The following LY6G5B variants were observed in gnomAD, a reference collection of about 807,000 sequenced individuals.
LY6G5B encodes the protein lymphocyte antigen 6 complex locus protein G5b.
A neutral mutation model predicts 6.7 loss-of-function variants in LY6G5B; 6 were observed. The ratio of observed to expected loss-of-function variants is 0.89; its 90% CI spans 0.49 to 1.76. The LOEUF (loss-of-function observed/expected upper bound fraction) is 1.76, where lower values mean the gene tolerates loss of function less well. Among genes scored for constraint, LY6G5B ranks in the 40% most tolerant of loss-of-function variants. The pLI is 0.01. For synonymous variants in LY6G5B, 98 were observed against 99.4 expected, an observed-to-expected ratio of 0.99 and a Z score of 0.09; for missense variants, 240 against 249.5, an observed-to-expected ratio of 0.96 and a Z score of 0.26.
At chr6:31,670,597 A>T in exon 1 of LY6G5B, 1 of 291,188 alleles carries the variant, frequency 3.4e-6, no homozygotes. Flanking sequence ...AGAGATAGAT[A>T]CTAACCCATG....
chr6:31,671,392 G>A, intron 2 of LY6G5B, 108 bp downstream of exon 2: 3 of 1,506,042 alleles, frequency 2.0e-6, no homozygotes, highest in Admixed American at 1.7e-5. Flanking sequence ...GAAGAGAGGA[G>A]GGGCTGAGTG....
Position 31,671,157 on chromosome 6 carries a change from TC to T in LY6G5B, c.62del (p.Pro21LeufsTer13). 6.2e-7 allele frequency: 1 copy of T among 1,614,048 alleles called. No homozygotes were observed. The highest frequency in any genetic ancestry group is 8.5e-7 in the Non-Finnish European group (1 of 1,179,986). Reference sequence around the variant, plus strand: ...CCATCCCTCCTTCTGCCTCCCCAGTTCCTGTTCCCGACATCCGGACGTGCCA... The same window carrying T: ...CCATCCCTCCTTCTGCCTCCCCAGTTCTGTTCCCGACATCCGGACGTGCCA... On this transcript the variant is annotated frameshift_variant and splice_region_variant, in exon 2 of 3. Coordinates refer to ENST00000375864, the Ensembl canonical transcript of LY6G5B. LOFTEE classifies it high-confidence loss of function.
rs11758242 is a variant in LY6G5B at position 31,672,068 on chromosome 6, C to G, written c.392C>G (p.Ser131Cys). The G allele has an allele frequency of 3.1e-6, 5 of 1,612,916 alleles. No homozygotes were observed. In the African/African-American group the frequency reaches 6.7e-5, roughly 22 times the overall value. ...CCCCTGGCCCTGCCTCTGTCTGACT[C>G]CCAGATTCAGTGGTTCTACCAGGCC... is the stretch of plus-strand genomic sequence containing the variant. Residue 131 changes from serine to cysteine, a missense_variant, in exon 3 of 3, where the codon TCC becomes TGC. Transcript: ENST00000375864.
exon 3 of LY6G5B, chr6:31,672,456 T>A: frequency 2.6e-6 from 2 of 766,400 alleles, no homozygotes; most frequent in Non-Finnish European, 4.1e-6. Context: ...TGTTTTTTTG[T>A]TTGTTTGAGA....
At chr6:31,672,512 T>C in exon 3 of LY6G5B, 4 of 581,394 alleles carry the variant, frequency 6.9e-6, no homozygotes, top group Non-Finnish European at 1.2e-5. Context: ...TGGCATGATC[T>C]CTGCTCACTA....
exon 3 of LY6G5B, chr6:31,672,382 C>T: frequency 1.6e-6 from 2 of 1,272,280 alleles, no homozygotes; most frequent in Non-Finnish European, 1.1e-6. Context: ...TCTTAGGCCT[C>T]CGTCTGTTGT....
exon 1 of LY6G5B, chr6:31,670,676 C>G (rs867677261): frequency 6.2e-6 from 3 of 482,024 alleles, no homozygotes; most frequent in African/African-American, 5.8e-5. Flanking sequence ...GATAAAGAAC[C>G]CGGTAGTGCC....
At chr6:31,671,232 G>T in exon 2 of LY6G5B, 1 of 1,614,060 alleles carries the variant, frequency 6.2e-7, no homozygotes, top group Non-Finnish European at 8.5e-7. Flanking sequence ...CAGGCTCAGA[G>T]AAGTGTACCA....
At chr6:31,671,779 T>C (rs896124313) in intron 2 of LY6G5B, 85 bp from the exon 3 acceptor site, 15 of 1,484,260 alleles carry the variant, frequency 1.0e-5, no homozygotes, top group Admixed American at 6.2e-5. Flanking sequence ...TAGGTCTGGG[T>C]GAAGGATGGG....
At chr6:31,671,166 C>T (rs540650840) in exon 2 of LY6G5B, 9 of 1,614,070 alleles carry the variant, frequency 5.6e-6, no homozygotes, top group Admixed American at 1.7e-5. Context: ...TTCCTGTTCC[C>T]GACATCCGGA....
chr6:31,670,757 C>T (rs1335866659), exon 1 of LY6G5B: 3 of 592,568 alleles, frequency 5.1e-6, no homozygotes, highest in African/African-American at 3.7e-5. Flanking sequence ...GACATGCTGT[C>T]CCTCCTGCCA....
exon 2 of LY6G5B, chr6:31,671,250 C>G: frequency 6.2e-7 from 1 of 1,613,838 alleles, no homozygotes; most frequent in South Asian, 1.1e-5. Flanking sequence ...CCATCAGCAG[C>G]TCATCCCTGT....
Position 31,672,137 on chromosome 6 carries a change from A to G in LY6G5B, c.461A>G (p.Glu154Gly), listed in dbSNP as rs373549403. The change falls in exon 3 of 3, where the codon GAG (glutamate) becomes GGG (glycine). Residue 154 changes from glutamate to glycine, a missense_variant. Physicochemically the swap from Glu to Gly is moderately conservative, Grantham distance 98. Transcript: ENST00000375864. ...CTCCCCAATTTCCATGCTGGGACGGAGCCTGATGGCCTGGACCCCATGGTC... is the reference window on the plus strand; with the variant it reads ...CTCCCCAATTTCCATGCTGGGACGGGGCCTGATGGCCTGGACCCCATGGTC... 2.5e-5 allele frequency: 41 copies of G among 1,613,012 alleles called. No homozygotes were observed. In the African/African-American group the frequency reaches 5.1e-4, roughly 20 times the overall value.
intron 1 of LY6G5B, 25 bp downstream of exon 1, chr6:31,671,033 G>A: frequency 1.9e-6 from 3 of 1,610,516 alleles, no homozygotes; most frequent in Non-Finnish European, 2.5e-6. Flanking sequence ...GGGGCAGGGA[G>A]GGAGGAAGGG....
rs1007361152 is a variant in LY6G5B, at chr6:31,672,471, G to A, written c.*189G>A. 7 of 678,566 alleles carry A rather than the reference G, an allele frequency of 1.0e-5. No individual in the cohort carries two copies. In the East Asian group the frequency reaches 1.4e-4, roughly 13 times the overall value. The allele number at this position is 678,566 out of a possible 1,614,324, so 42.0% of individuals were successfully genotyped here. ...TGTTTTTTTGTTTGTTTGAGACAAAGTCTCGCTCTGTCACCCAGGGTGGAG... is the reference window on the plus strand; with the variant it reads ...TGTTTTTTTGTTTGTTTGAGACAAAATCTCGCTCTGTCACCCAGGGTGGAG... On this transcript the variant is annotated 3_prime_UTR_variant, in exon 3 of 3. Coordinates refer to ENST00000375864, the Ensembl canonical transcript of LY6G5B.
At chr6:31,672,771 A>T (rs1003415825) in exon 3 of LY6G5B, 3 of 158,664 alleles carry the variant, frequency 1.9e-5, no homozygotes, top group Non-Finnish European at 4.2e-5. Flanking sequence ...TTCCCCCTAG[A>T]AAAGAATCTC....
rs1802169601 is a variant in LY6G5B, at chr6:31,671,026, G to T, written c.58+18G>T. 1.9e-6 allele frequency: 3 copies of T among 1,611,438 alleles called. No individual in the cohort carries two copies. The highest frequency in any genetic ancestry group is 1.7e-4 in the Middle Eastern group (1 of 6,042). On this transcript the variant is annotated intron_variant, in intron 1 of 2. Coordinates refer to ENST00000375864, the Ensembl canonical transcript of LY6G5B. ...AGGAAAGGGTAAGTGGGGCCCAGGGGCAGGGAGGGAGGAAGGGGTAACTGA... is the reference window on the plus strand; with the variant it reads ...AGGAAAGGGTAAGTGGGGCCCAGGGTCAGGGAGGGAGGAAGGGGTAACTGA...
chr6:31,672,198 G>C (rs551646774), exon 3 of LY6G5B: 1 of 1,612,980 alleles, frequency 6.2e-7, no homozygotes, highest in Non-Finnish European at 8.5e-7. Context: ...CTTTTGCTGA[G>C]CTGCGCCGCA....
At chr6:31,671,842 T>A (rs749264760) in intron 2 of LY6G5B, 22 bp from the exon 3 acceptor site, 11 of 1,591,424 alleles carry the variant, frequency 6.9e-6, no homozygotes, top group Non-Finnish European at 7.7e-6. Flanking sequence ...GAAGGGGTTA[T>A]CAGCTTTCCC....
Sources: allele counts gnomAD v4.1 joint callset, GRCh38; gene constraint gnomAD v4.1.1; transcripts MANE v1.5; gene names NCBI Gene and HGNC (gene_info 2026-07-23, HGNC 2026-07-21).